Variants in MARCHF1 observed in about 807,000 individuals in gnomAD.
MARCHF1 encodes membrane associated ring-CH-type finger 1, also known as E3 ubiquitin-protein ligase MARCHF1.
Under a neutral mutation model 54.2 loss-of-function variants are expected in MARCHF1, and 40 were observed. The observed-to-expected ratio is 0.74, with a 90% CI of 0.57 to 0.96. MARCHF1 has a LOEUF of 0.96. MARCHF1 is among the 40% of genes least tolerant of loss of function. The pLI is 0.00. For missense variants in MARCHF1, 586 were observed against 656.5 expected, an observed-to-expected ratio of 0.89 and a Z score of 1.17; for synonymous variants, 236 against 236.3, an observed-to-expected ratio of 1.00 and a Z score of 0.01.
intron 4 of MARCHF1, among the ~76,000 whole-genome samples, chr4:163,720,999 TC>T (rs1389050308): frequency 2.6e-5 from 4 of 152,212 alleles, no homozygotes; most frequent in African/African-American, 9.7e-5. Flanking sequence ...CTTCCTCTTT[TC>T]CTAATTGAAT....
At chr4:164,379,214 TA>T (rs1561026047) in intron 1 of MARCHF1, among the ~76,000 whole-genome samples, 1 of 151,886 alleles carries the variant, frequency 6.6e-6, no homozygotes, top group Non-Finnish European at 1.5e-5. Flanking sequence ...CTTGGAAATT[TA>T]AAAAAATACA....
At chr4:164,078,719 A>G (rs1755029985) in intron 2 of MARCHF1, among the ~76,000 whole-genome samples, 1 of 152,184 alleles carries the variant, frequency 6.6e-6, no homozygotes, top group African/African-American at 2.4e-5. Context: ...AGCAAATTAG[A>G]CATGACTATT....
chr4:164,156,519 G>T (rs899830829), intron 1 of MARCHF1, among the ~76,000 whole-genome samples: 1 of 152,056 alleles, frequency 6.6e-6, no homozygotes, highest in South Asian at 2.1e-4. Context: ...TGCCTTCTGG[G>T]CTCAAGCCAT....
chr4:163,841,989 G>C (rs1749352963), intron 4 of MARCHF1, among the ~76,000 whole-genome samples: 1 of 152,038 alleles, frequency 6.6e-6, no homozygotes, highest in South Asian at 2.1e-4. Context: ...TTACTATGGT[G>C]ATATAAAAAT....
chr4:164,071,648 T>C (rs1439108336), intron 2 of MARCHF1, among the ~76,000 whole-genome samples: 1 of 152,154 alleles, frequency 6.6e-6, no homozygotes. Context: ...AAAATTTTGT[T>C]CTGTTCCTTT....
intron 3 of MARCHF1, among the ~76,000 whole-genome samples, chr4:163,859,297 G>A (rs1749855925): frequency 6.6e-6 from 1 of 151,448 alleles, no homozygotes; most frequent in Admixed American, 6.6e-5. Flanking sequence ...GGTGAATGAA[G>A]AAACGGCACA....
rs191247305 is a variant in MARCHF1, at chr4:164,003,564, C to T, written c.-247-14855G>A. Among the ~76,000 whole-genome samples, 59 of 152,050 alleles carry T rather than the reference C, an allele frequency of 3.9e-4. 1 individual carries two copies. Among genetic ancestry groups the T allele is most frequent in the African/African-American group, 1.3e-3 (54 of 41,532 alleles). On this transcript the variant is annotated intron_variant, in intron 2 of 9. Coordinates refer to ENST00000514618, the MANE Select transcript of MARCHF1 (RefSeq NM_001394959.1). ...AAATAGTACTAGAAATAAAGAAACACATTTCATTATGCTAAAATAATGAGG... is the reference window on the plus strand; with the variant it reads ...AAATAGTACTAGAAATAAAGAAACATATTTCATTATGCTAAAATAATGAGG...
At chr4:164,155,978 G>T (rs186759588) in intron 1 of MARCHF1, among the ~76,000 whole-genome samples, 2 of 152,126 alleles carry the variant, frequency 1.3e-5, no homozygotes, top group South Asian at 4.2e-4. Context: ...CATAATTTTC[G>T]GGGGAAGTAT....
chr4:163,577,972 A>C (rs1740093804), intron 8 of MARCHF1, among the ~76,000 whole-genome samples: 1 of 152,000 alleles, frequency 6.6e-6, no homozygotes, highest in Admixed American at 6.6e-5. Flanking sequence ...ATATGAAATT[A>C]ATTTAAAACT....
chr4:164,260,714 C>A (rs1733437559), intron 1 of MARCHF1, among the ~76,000 whole-genome samples: 1 of 152,330 alleles, frequency 6.6e-6, no homozygotes, highest in Admixed American at 6.5e-5. Context: ...ATTAGACCTA[C>A]AAAATCGAAT....
intron 5 of MARCHF1, among the ~76,000 whole-genome samples, chr4:163,632,488 C>T (rs1053805136): frequency 7.2e-5 from 11 of 152,126 alleles, no homozygotes; most frequent in African/African-American, 1.7e-4. Flanking sequence ...GGGTGATGGA[C>T]GGCACCTGGA....
intron 1 of MARCHF1, among the ~76,000 whole-genome samples, chr4:164,336,912 T>G (rs926992045): frequency 2.6e-5 from 4 of 151,584 alleles, no homozygotes; most frequent in Non-Finnish European, 5.9e-5. Context: ...CAAAACCTAG[T>G]GAGGATAAAA....
rs114844631 is a variant in MARCHF1, at chr4:164,204,696, G to T, written c.-322-93034C>A. 3.1e-3 allele frequency among the ~76,000 whole-genome samples: 469 copies of T among 152,300 alleles called. 2 individuals are homozygous for T. The highest frequency in any genetic ancestry group is 0.011 in the African/African-American group (438 of 41,570). On this transcript the variant is annotated intron_variant, in intron 1 of 9. Transcript: ENST00000514618. The stretch of plus-strand genomic sequence containing the variant: ...TACTATGACAGGCATCAGGAAGCTG[G>T]TAATGGTTGAGGCTGTGAAAAGAAT...
At chr4:163,690,079 C>T (rs917820093) in intron 5 of MARCHF1, among the ~76,000 whole-genome samples, 2 of 152,064 alleles carry the variant, frequency 1.3e-5, no homozygotes, top group Non-Finnish European at 2.9e-5. Context: ...GTCTACACTC[C>T]TGGTGATAGG....
At chr4:164,220,667 C>CTATATATACATATATGTAATATATATGA (rs559295765) in intron 1 of MARCHF1, among the ~76,000 whole-genome samples, 4 of 134,322 alleles carry the variant, frequency 3.0e-5, no homozygotes, top group African/African-American at 1.2e-4. Context: ...AATATATATG[C>CTATATATACATATATGTAATATATATGA]TATATGTATA....
chr4:164,193,563 T>C (rs181051141), intron 1 of MARCHF1, among the ~76,000 whole-genome samples: 53 of 152,228 alleles, frequency 3.5e-4, no homozygotes, highest in African/African-American at 1.2e-3. Context: ...ATTTGTTCAA[T>C]TGAGTAAATG....
intron 4 of MARCHF1, among the ~76,000 whole-genome samples, chr4:163,822,640 T>G (rs1217846581): frequency 6.6e-6 from 1 of 151,964 alleles, no homozygotes; most frequent in Non-Finnish European, 1.5e-5. Flanking sequence ...GTGCATATTT[T>G]AGGGTAATGT....
chr4:164,025,732 G>C (rs944932787), intron 2 of MARCHF1, among the ~76,000 whole-genome samples: 1 of 150,774 alleles, frequency 6.6e-6, no homozygotes, highest in African/African-American at 2.4e-5. Flanking sequence ...TAAAATTAGA[G>C]AGGAACTGAA....
intron 3 of MARCHF1, among the ~76,000 whole-genome samples, chr4:163,987,453 AATTT>A (rs1752890424): frequency 6.6e-6 from 1 of 152,188 alleles, no homozygotes; most frequent in Non-Finnish European, 1.5e-5. Context: ...GATGTACTCA[AATTT>A]ATTAGTCTTT....
Sources: gnomAD v4.1 joint callset for allele counts (sites outside exome capture counted in the v4.1 genomes callset) on GRCh38, gnomAD v4.1.1 for gene constraint, MANE v1.5 for transcripts, NCBI Gene and HGNC (gene_info 2026-07-23, HGNC 2026-07-21) for gene names.